The following PTPRE variants were observed in gnomAD, a reference collection of about 807,000 sequenced individuals.
The protein encoded by PTPRE is receptor-type tyrosine-protein phosphatase epsilon.
Under a neutral mutation model 102.0 loss-of-function variants are expected in PTPRE, and 51 were observed. That is an observed-to-expected ratio of 0.50 (90% CI 0.40 to 0.63). The LOEUF is 0.63. Among genes scored for constraint, PTPRE ranks in the 30% least tolerant of loss-of-function variants. The probability of loss-of-function intolerance (pLI) is 0.00; values close to 1 mark genes in which losing one functional copy is unlikely to be tolerated. For synonymous variants in PTPRE, 345 were observed against 348.2 expected, an observed-to-expected ratio of 0.99 and a Z score of 0.10; for missense variants, 752 against 915.1, an observed-to-expected ratio of 0.82 and a Z score of 2.30.
At chr10:127,964,702 T>A (rs1850105709) in intron 1 of PTPRE, 1 of 191,504 alleles carries the variant, frequency 5.2e-6, no homozygotes, top group African/African-American at 2.3e-5. Flanking sequence ...AATTACTCTT[T>A]CTCGATGAGA....
At chr10:127,974,227 C>G (rs574073307) in intron 1 of PTPRE, among the ~76,000 whole-genome samples, 8 of 152,334 alleles carry the variant, frequency 5.3e-5, no homozygotes, top group African/African-American at 1.9e-4. Context: ...AGGCCTTATA[C>G]TGAGTTCTGC....
Position 128,079,562 on chromosome 10 carries a change from C to G in PTPRE, c.1895C>G (p.Ala632Gly). ...GNHPITVHCSAGAGRTGTFIA... is the reference protein window; with the variant it reads ...GNHPITVHCSGGAGRTGTFIA... ...CATTAAGCGCTTTTTCTCTGCAGTGCCGGAGCTGGGCGAACAGGTACATTC... is the reference window on the plus strand; with the variant it reads ...CATTAAGCGCTTTTTCTCTGCAGTGGCGGAGCTGGGCGAACAGGTACATTC... Residue 632 changes from alanine to glycine, a missense_variant and splice_region_variant, in exon 20 of 21, where the codon GCC becomes GGC. Physicochemically the swap from Ala to Gly is moderately conservative, Grantham distance 60 (BLOSUM62 0). Coordinates refer to ENST00000254667, the MANE Select transcript of PTPRE (RefSeq NM_006504.6). The G allele has an allele frequency of 6.2e-7, 1 of 1,613,696 alleles. No individual in the cohort carries two copies. The highest frequency in any genetic ancestry group is 8.5e-7 in the Non-Finnish European group (1 of 1,179,912).
At position 128,070,717 on chromosome 10, in the gene PTPRE, C is replaced by A; in HGVS notation, c.1294-91C>A. 2 of 1,386,632 alleles carry A rather than the reference C, an allele frequency of 1.4e-6. No homozygotes were observed. Among genetic ancestry groups the A allele is most frequent in the Non-Finnish European group, 1.0e-6 (1 of 1,000,788 alleles). 85.9% of individuals were successfully genotyped at this position (1,386,632 alleles called of 1,614,324 possible). A position where few individuals can be genotyped will look rare whatever the true frequency, so the allele number is the denominator to read the frequency against. On this transcript the variant is annotated intron_variant, in intron 14 of 20. Transcript: ENST00000254667. This position sits in a 1 kb window ranked among gnomAD's most constrained non-coding sequence, Gnocchi z 4.8. ...TGGAGAGTGGTTTCCTTTGAGCAGG[C>A]GTCCTTGCCAGCAGCACTAGTCCTC... is the stretch of plus-strand genomic sequence containing the variant.
At chr10:128,015,389 T>C (rs1845333600) in intron 2 of PTPRE, among the ~76,000 whole-genome samples, 9 of 151,896 alleles carry the variant, frequency 5.9e-5, no homozygotes, top group Admixed American at 2.0e-4. Context: ...TTTTTTGAGA[T>C]GGAGTCTCGC....
chr10:128,069,543 C>G, intron 12 of PTPRE, 149 bp from the exon 13 acceptor site: 1 of 1,039,360 alleles, frequency 9.6e-7, no homozygotes, highest in Non-Finnish European at 1.4e-6. Flanking sequence ...ACAGCTCCCT[C>G]TGGTGGCTGC....
rs148783135 is a variant in PTPRE at position 127,938,866 on chromosome 10, G to A, written c.-31+31557G>A. Among the ~76,000 whole-genome samples, 808 of 152,164 alleles carry A rather than the reference G, an allele frequency of 5.3e-3. 4 individuals carry two copies. The highest frequency in any genetic ancestry group is 0.018 in the African/African-American group (755 of 41,508). On this transcript the variant is annotated intron_variant, in intron 1 of 20. Transcript: ENST00000254667. ...ACCCAGGTCTCTCTTCTCTGACCCT[G>A]CCTGGACCCTGACAATCCCAGGGCG...
At chr10:127,942,928 A>G (rs1449818015) in intron 1 of PTPRE, among the ~76,000 whole-genome samples, 3 of 152,222 alleles carry the variant, frequency 2.0e-5, no homozygotes, top group African/African-American at 7.2e-5. Context: ...CAGGAATTTC[A>G]GGGCCGCATC....
intron 6 of PTPRE, among the ~76,000 whole-genome samples, chr10:128,050,994 T>C (rs1848522926): frequency 6.6e-6 from 1 of 152,272 alleles, no homozygotes; most frequent in African/African-American, 2.4e-5. Context: ...TGTTTCCAAA[T>C]GTGTCCCCTT....
intron 1 of PTPRE, among the ~76,000 whole-genome samples, chr10:127,930,294 C>T (rs182817416): frequency 2.0e-5 from 3 of 152,194 alleles, no homozygotes; most frequent in African/African-American, 7.2e-5. Context: ...CCTGTAACCC[C>T]ACCCCTACCC....
Position 128,063,200 on chromosome 10 carries a change from C to T in PTPRE, c.723+20C>T, listed in dbSNP as rs1205348652. On this transcript the variant is annotated intron_variant, in intron 10 of 20. Coordinates refer to ENST00000254667, the MANE Select transcript of PTPRE (RefSeq NM_006504.6). Reference sequence around the variant, plus strand: ...AAAGAGGTGAGTTCCAGGCATCTGGCCCCGGTATCACTTCCTTTCAGCTGC... The same window carrying T: ...AAAGAGGTGAGTTCCAGGCATCTGGTCCCGGTATCACTTCCTTTCAGCTGC... The T allele has an allele frequency of 1.2e-6, 2 of 1,613,198 alleles. No individual in the cohort carries two copies. Among genetic ancestry groups the T allele is most frequent in the South Asian group, 2.2e-5 (2 of 90,918 alleles).
chr10:127,981,130 G>T (rs1345583910), intron 1 of PTPRE, among the ~76,000 whole-genome samples: 2 of 152,102 alleles, frequency 1.3e-5, no homozygotes, highest in African/African-American at 4.8e-5. Context: ...GCCATTAAAA[G>T]GAATGAAGTA....
chr10:128,011,433 G>T (rs941788463), intron 2 of PTPRE, among the ~76,000 whole-genome samples: 2 of 152,346 alleles, frequency 1.3e-5, no homozygotes, highest in African/African-American at 4.8e-5. Context: ...AGGAGGCGCG[G>T]GTTAGGAAGG....
chr10:128,065,268 T>C (rs1288797249), intron 10 of PTPRE, among the ~76,000 whole-genome samples: 3 of 152,238 alleles, frequency 2.0e-5, no homozygotes, highest in Non-Finnish European at 4.4e-5. Context: ...TCAGGGGCCA[T>C]TCCCTGGATA....
chr10:127,999,951 C>T (rs545266048), intron 2 of PTPRE: 2 of 985,428 alleles, frequency 2.0e-6, no homozygotes, highest in African/African-American at 3.5e-5. Context: ...CTACTGAGAA[C>T]GCGGTGCTCT....
chr10:127,925,001 C>G (rs1215752738), intron 1 of PTPRE, among the ~76,000 whole-genome samples: 1 of 152,224 alleles, frequency 6.6e-6, no homozygotes, highest in Non-Finnish European at 1.5e-5. Flanking sequence ...TATGCTAACT[C>G]AATCTTCAGC....
chr10:128,076,643 C>G lies in PTPRE; in HGVS notation c.1640C>G (p.Thr547Ser), dbSNP rs768508946. 2 of 1,611,452 alleles carry G rather than the reference C, an allele frequency of 1.2e-6. No homozygotes were observed. Among genetic ancestry groups the G allele is most frequent in the East Asian group, 4.5e-5 (2 of 44,768 alleles). Residue 547 changes from threonine to serine, a missense_variant, in exon 18 of 21, where the codon ACT (threonine) becomes AGT (serine). Around this residue, in one of 2 missense-constraint regions of PTPRE, gnomAD observed 636 missense variants for 824.4 expected, o/e 0.77. Transcript: ENST00000254667. ...TATTGGCCAACCGAGGGCTCAGTTA[C>G]TCATGGAGAAATAACGATTGAGATA... ...YQYWPTEGSV[T>S]HGEITIEIKN...
intron 2 of PTPRE, among the ~76,000 whole-genome samples, chr10:127,986,261 A>T (rs1242365764): frequency 6.6e-6 from 1 of 152,212 alleles, no homozygotes; most frequent in Non-Finnish European, 1.5e-5. Flanking sequence ...CGTATCAGTG[A>T]TCCAATATGA....
intron 1 of PTPRE, among the ~76,000 whole-genome samples, chr10:127,969,531 G>T (rs185992534): frequency 6.6e-6 from 1 of 152,118 alleles, no homozygotes; most frequent in South Asian, 2.1e-4. Context: ...AGCTGGGCAT[G>T]GTGGTGCACA....
At position 128,085,455 on chromosome 10, in the gene PTPRE, C is replaced by T. The variant is rs1422358620; in HGVS notation, c.*2549C>T. On this transcript the variant is annotated 3_prime_UTR_variant, in exon 21 of 21. Transcript: ENST00000254667. The stretch of plus-strand genomic sequence containing the variant: ...CATTCTGATCTGTGTGTGATCTGGT[C>T]ACTATGTGACTGCCTTTACGGTTTC... 1.9e-5 allele frequency: 3 copies of T among 160,816 alleles called. No individual in the cohort carries two copies. The highest frequency in any genetic ancestry group is 7.2e-5 in the African/African-American group (3 of 41,928). 10.0% of individuals were successfully genotyped at this position (160,816 alleles called of 1,614,324 possible).
Sources: gnomAD v4.1 joint callset for allele counts (sites outside exome capture counted in the v4.1 genomes callset) on GRCh38, gnomAD v4.1.1 for gene constraint, gnomAD v4.1.1 regional missense constraint, Gnocchi (gnomAD v3.1) non-coding constraint, MANE v1.5 for transcripts, NCBI Gene and HGNC (gene_info 2026-07-23, HGNC 2026-07-21) for gene names.